The following MRE11 variants were observed in gnomAD, a reference collection of about 807,000 sequenced individuals.
MRE11 encodes the protein double-strand break repair protein MRE11.
MRE11 carries 62 observed loss-of-function variants against 91.7 expected under a neutral mutation model. The observed-to-expected ratio is 0.68, with a 90% CI of 0.55 to 0.84. The LOEUF (loss-of-function observed/expected upper bound fraction) is 0.84, where lower values mean the gene tolerates loss of function less well. MRE11 is among the 40% of genes least tolerant of loss of function. The probability of loss-of-function intolerance (pLI) is 0.00; values close to 1 mark genes in which losing one functional copy is unlikely to be tolerated. For missense variants in MRE11, 796 were observed against 852.9 expected (o/e 0.93, Z 0.83); for synonymous variants, 273 against 271.4 (o/e 1.01, Z -0.06).
At position 94,478,749 on chromosome 11, in the gene MRE11, G is replaced by T. The variant is rs773766504; in HGVS notation, c.530C>A (p.Ala177Glu). Residue 177 changes from alanine to glutamate, a missense_variant, in exon 6 of 20, where the codon GCG becomes GAG. By Grantham distance (107) the Ala-to-Glu change is moderately radical. Transcript: ENST00000323929. ...AACTGTCTTACCTAAACCATATAGC[G>T]CAATCTTTGTGCTTCCTTTTTGAAG... ...VLLQKGSTKI[A>E]LYGLGSIPDE... 6.2e-7 allele frequency: 1 copy of T among 1,612,528 alleles called. No individual in the cohort carries two copies. Among genetic ancestry groups the T allele is most frequent in the Admixed American group, 1.7e-5 (1 of 59,996 alleles).
Position 94,474,972 on chromosome 11 carries a change from C to T in MRE11, c.659+1317G>A, listed in dbSNP as rs1021443825. 5.3e-5 allele frequency among the ~76,000 whole-genome samples: 8 copies of T among 152,160 alleles called. No homozygotes were observed. In the East Asian group the frequency reaches 1.5e-3, roughly 29 times the overall value. ...TATGAAGACCACACACATATCTAAACTCTGGCCTGCCCCTCCTTTGAAACT... is the reference window on the plus strand; with the variant it reads ...TATGAAGACCACACACATATCTAAATTCTGGCCTGCCCCTCCTTTGAAACT... On this transcript the variant is annotated intron_variant, in intron 7 of 19. Transcript: ENST00000323929.
chr11:94,442,100 C>G (rs1945797372), intron 16 of MRE11, among the ~76,000 whole-genome samples: 2 of 150,148 alleles, frequency 1.3e-5, no homozygotes, highest in Admixed American at 1.3e-4. Flanking sequence ...CATTATTTAA[C>G]TGAAGACTCA....
chr11:94,479,540 T>C lies in MRE11; in HGVS notation c.402+134A>G, dbSNP rs1946960752. On this transcript the variant is annotated intron_variant, in intron 5 of 19. Coordinates refer to ENST00000323929, the MANE Select transcript of MRE11 (RefSeq NM_005591.4). ...CTAAAAAGCAGTATAAAAGCTTGTA[T>C]GAATGTGAAAAGTCAACTTGACTTT... is the stretch of plus-strand genomic sequence containing the variant. 4 of 733,644 alleles carry C rather than the reference T, an allele frequency of 5.5e-6. No homozygotes were observed. The East Asian group carries it at 8.1e-5, about 15-fold the overall frequency. The allele number at this position is 733,644 out of a possible 1,614,324, so 45.4% of individuals were successfully genotyped here. A position where few individuals can be genotyped will look rare whatever the true frequency, so the allele number is the denominator to read the frequency against.
the MRE11 span, among the ~76,000 whole-genome samples, chr11:94,502,881 G>A: frequency 6.6e-6 from 1 of 151,972 alleles, no homozygotes; most frequent in Non-Finnish European, 1.5e-5. Flanking sequence ...CACTATGTTG[G>A]CCAGGCTGGT....
chr11:94,502,734 C>T, the MRE11 span, among the ~76,000 whole-genome samples: 1 of 152,092 alleles, frequency 6.6e-6, no homozygotes, highest in African/African-American at 2.4e-5. Flanking sequence ...AGTGCACTGG[C>T]ATGATCTCAG....
chr11:94,440,682 G>C lies in MRE11; in HGVS notation c.1868-3447C>G, dbSNP rs556320937. Among the ~76,000 whole-genome samples, 13 of 152,294 alleles carry C rather than the reference G, an allele frequency of 8.5e-5. 1 individual carries two copies. The East Asian group carries it at 2.5e-3, about 29-fold the overall frequency. On this transcript the variant is annotated intron_variant, in intron 16 of 19. Coordinates refer to ENST00000323929, the MANE Select transcript of MRE11 (RefSeq NM_005591.4). ...CCCTTCCTAAGGTGGAGCCCCAGTG[G>C]TTGAAGAGAGAAGCAGAGGTAAACA... is the stretch of plus-strand genomic sequence containing the variant.
chr11:94,467,548 GTAGT>G (rs1264957144), intron 10 of MRE11, among the ~76,000 whole-genome samples: 32 of 152,160 alleles, frequency 2.1e-4, no homozygotes, highest in African/African-American at 7.0e-4. Context: ...AGTAGAGGAG[GTAGT>G]TAAAGATGAA....
chr11:94,506,621 C>T, the MRE11 span, among the ~76,000 whole-genome samples: 1 of 148,206 alleles, frequency 6.7e-6, no homozygotes, highest in Admixed American at 6.7e-5. Flanking sequence ...CAGGGTCTTG[C>T]TCTGTCATCA....
At position 94,471,623 on chromosome 11, in the gene MRE11, G is replaced by C; in HGVS notation, c.796C>G (p.Pro266Ala). Residue 266 changes from proline to alanine, a missense_variant, in exon 8 of 20, where the codon CCT becomes GCT. Physicochemically the swap from Pro to Ala is conservative, Grantham distance 27. Coordinates refer to ENST00000323929, the MANE Select transcript of MRE11 (RefSeq NM_005591.4). ...AGAGAAGTAACCACTGAGCTTCCAG[G>C]TTGTGAGATATAAAACAGCTGTTGT... ...NEQQLFYISQ[P>A]GSSVVTSLSP... The C allele has an allele frequency of 6.2e-7, 1 of 1,612,740 alleles. No individual in the cohort carries two copies. The highest frequency in any genetic ancestry group is 8.5e-7 in the Non-Finnish European group (1 of 1,179,110).
At chr11:94,450,292 C>T (rs1946064955) in intron 14 of MRE11, among the ~76,000 whole-genome samples, 1 of 152,116 alleles carries the variant, frequency 6.6e-6, no homozygotes, top group African/African-American at 2.4e-5. Context: ...TAATTCTGTG[C>T]TGGAAGTGAT....
Position 94,429,937 on chromosome 11 carries a change from T to C in MRE11, c.2044A>G (p.Lys682Glu). The change falls in exon 19 of 20, where the codon AAA (lysine) becomes GAA (glutamate). Residue 682 changes from lysine (K) to glutamate (E), a missense_variant. Lys to Glu is a moderately conservative substitution (Grantham distance 56, BLOSUM62 1). Coordinates refer to ENST00000323929, the MANE Select transcript of MRE11 (RefSeq NM_005591.4). ...SKIMSQSQVSKGVDFESSEDD... is the reference protein window; with the variant it reads ...SKIMSQSQVSEGVDFESSEDD... ...TCACTTGATTCAAAATCAACCCCTT[T>C]CGATACTTGACTCTGGGACATGATT... 6.2e-7 allele frequency: 1 copy of C among 1,613,912 alleles called. No homozygotes were observed. Among genetic ancestry groups the C allele is most frequent in the South Asian group, 1.1e-5 (1 of 91,060 alleles).
chr11:94,427,430 A>G (rs927394451), intron 19 of MRE11, among the ~76,000 whole-genome samples: 1 of 152,166 alleles, frequency 6.6e-6, no homozygotes, highest in Non-Finnish European at 1.5e-5. Flanking sequence ...ATCCACAACC[A>G]ACATCATGCT....
At chr11:94,482,632 C>T (rs889813878) in intron 4 of MRE11, among the ~76,000 whole-genome samples, 12 of 152,136 alleles carry the variant, frequency 7.9e-5, no homozygotes, top group Admixed American at 5.9e-4. Flanking sequence ...AAAGAAAATA[C>T]TGAAGTTAAA....
chr11:94,429,225 T>TTA (rs1945400998), intron 19 of MRE11, among the ~76,000 whole-genome samples: 1 of 152,232 alleles, frequency 6.6e-6, no homozygotes, highest in Non-Finnish European at 1.5e-5. Flanking sequence ...AAGGGAATGC[T>TTA]TATACATTGT....
intron 18 of MRE11, among the ~76,000 whole-genome samples, chr11:94,430,707 G>A (rs1265005904): frequency 1.3e-5 from 2 of 151,962 alleles, no homozygotes; most frequent in Non-Finnish European, 2.9e-5. Flanking sequence ...TTGACCTCGT[G>A]ATCCGCCCAC....
chr11:94,449,501 A>G (rs575195614), intron 14 of MRE11, among the ~76,000 whole-genome samples: 1 of 152,336 alleles, frequency 6.6e-6, no homozygotes, highest in East Asian at 1.9e-4. Flanking sequence ...AGTGGTAAAT[A>G]TTTTGAATTG....
chr11:94,503,174 A>T, the MRE11 span, among the ~76,000 whole-genome samples: 1 of 152,146 alleles, frequency 6.6e-6, no homozygotes, highest in Non-Finnish European at 1.5e-5. Context: ...GATCTCTAGA[A>T]ATTATTCATC....
intron 17 of MRE11, among the ~76,000 whole-genome samples, chr11:94,436,158 T>G (rs1161124944): frequency 6.6e-6 from 1 of 152,202 alleles, no homozygotes; most frequent in Non-Finnish European, 1.5e-5. Flanking sequence ...ACAGTTACAC[T>G]GGTGAATGAC....
At chr11:94,472,157 C>T (rs1946733933) in intron 7 of MRE11, among the ~76,000 whole-genome samples, 1 of 151,866 alleles carries the variant, frequency 6.6e-6, no homozygotes, top group Non-Finnish European at 1.5e-5. Context: ...TAAATATGTC[C>T]AGTAATTTCT....
Sources: gnomAD v4.1 joint callset for allele counts (sites outside exome capture counted in the v4.1 genomes callset) on GRCh38, gnomAD v4.1.1 for gene constraint, MANE v1.5 for transcripts, NCBI Gene and HGNC (gene_info 2026-07-23, HGNC 2026-07-21) for gene names.